Variants in NR1I2 observed in about 807,000 individuals in gnomAD.
NR1I2 encodes the protein orphan nuclear receptor PAR1.
NR1I2 carries 42 observed loss-of-function variants against 43.3 expected under a neutral mutation model. The observed-to-expected ratio is 0.97, with a 90% CI of 0.76 to 1.26. NR1I2 has a LOEUF of 1.26. Ranked by LOEUF, NR1I2 falls within the 50% of genes most tolerant of loss-of-function variation. The pLI is 0.00. For missense variants in NR1I2, 559 were observed against 566.7 expected, an observed-to-expected ratio of 0.99 and a Z score of 0.14; for synonymous variants, 229 against 215.0, an observed-to-expected ratio of 1.06 and a Z score of -0.57.
chr3:119,816,942 G>A, intron 8 of NR1I2, 126 bp from the exon 9 acceptor site: 3 of 1,282,036 alleles, frequency 2.3e-6, no homozygotes, highest in Non-Finnish European at 3.4e-6. Context: ...ACGGAATTCA[G>A]CCAAGCCTTG....
At position 119,814,601 on chromosome 3, in the gene NR1I2, G is replaced by T. The variant is rs542334930; in HGVS notation, c.795-378G>T. ...GGGGCTAGCAGGATATACTAAAGGG[G>T]AAGTCATTCCAAGGGGGAAACTGAG... On this transcript the variant is annotated intron_variant, in intron 5 of 8. Transcript: ENST00000393716. Among the ~76,000 whole-genome samples the T allele has an allele frequency of 3.3e-5, 5 of 152,190 alleles. No homozygotes were observed. The South Asian group carries it at 8.3e-4, about 25-fold the overall frequency.
chr3:119,810,832 G>A (rs572156185), intron 3 of NR1I2, among the ~76,000 whole-genome samples: 4 of 152,276 alleles, frequency 2.6e-5, no homozygotes, highest in African/African-American at 9.6e-5. Flanking sequence ...CTAGGCTGCT[G>A]GCAGGCATTC....
chr3:119,807,093 T>C, intron 1 of NR1I2, 136 bp from the exon 2 acceptor site: 1 of 753,680 alleles, frequency 1.3e-6, no homozygotes, highest in East Asian at 2.7e-5. Context: ...CCCCGCTTTT[T>C]TTCCCCATGA....
intron 1 of NR1I2, among the ~76,000 whole-genome samples, chr3:119,802,262 A>G (rs2055092428): frequency 6.6e-6 from 1 of 152,268 alleles, no homozygotes; most frequent in African/African-American, 2.4e-5. Flanking sequence ...AATGAAAGTT[A>G]TACAAATACT....
Position 119,782,306 on chromosome 3 carries a change from G to T in NR1I2, c.-23+6G>T, listed in dbSNP as rs1344073854. ...AAGAACTTACCACCAAGCAGGTATGGTTTTTCTTTCTTTCTCTTTTGCTGG... is the reference window on the plus strand; with the variant it reads ...AAGAACTTACCACCAAGCAGGTATGTTTTTTCTTTCTTTCTCTTTTGCTGG... On this transcript the variant is annotated splice_donor_region_variant and intron_variant, in intron 1 of 8. Coordinates refer to ENST00000393716, the MANE Select transcript of NR1I2 (RefSeq NM_003889.4). The T allele has an allele frequency of 5.8e-6, 1 of 172,700 alleles. No individual in the cohort carries two copies. The highest frequency in any genetic ancestry group is 2.4e-5 in the African/African-American group (1 of 42,250). 10.7% of individuals were successfully genotyped at this position (172,700 alleles called of 1,614,324 possible).
chr3:119,787,977 A>G (rs1227067032), intron 1 of NR1I2, among the ~76,000 whole-genome samples: 3 of 152,070 alleles, frequency 2.0e-5, no homozygotes, highest in Non-Finnish European at 4.4e-5. Context: ...TTCTCTTCCC[A>G]TAATCTCAGT....
rs776259882 is a variant in NR1I2 at position 119,782,833 on chromosome 3, G to C, written c.-23+533G>C. 7 of 1,613,942 alleles carry C rather than the reference G, an allele frequency of 4.3e-6. No individual in the cohort carries two copies. The East Asian group carries it at 1.6e-4, about 36-fold the overall frequency. On this transcript the variant is annotated intron_variant, in intron 1 of 8. Transcript: ENST00000393716. ...TGCCATACCCCTGCACAGTGCTGCG[G>C]CTGAGTTGGCTTCAAACCAGTGAGT...
At chr3:119,798,655 GAAAA>G (rs914727691) in intron 1 of NR1I2, among the ~76,000 whole-genome samples, 1 of 127,494 alleles carries the variant, frequency 7.8e-6, no homozygotes, top group African/African-American at 2.8e-5. Context: ...AAAAAAAAAA[GAAAA>G]AGAAAGAAAG....
At position 119,817,398 on chromosome 3, in the gene NR1I2, C is replaced by T. The variant is rs1559792714; in HGVS notation, c.*186C>T. 5 of 1,471,442 alleles carry T rather than the reference C, an allele frequency of 3.4e-6. No individual in the cohort carries two copies. Among genetic ancestry groups the T allele is most frequent in the Non-Finnish European group, 4.5e-6 (5 of 1,111,826 alleles). 91.1% of individuals were successfully genotyped at this position (1,471,442 alleles called of 1,614,324 possible). A position where few individuals can be genotyped will look rare whatever the true frequency, so the allele number is the denominator to read the frequency against. Reference sequence around the variant, plus strand: ...CAGGAAGGACATGGGTGCCCCCCACCCCCAGTTCAGTCTGTAGGGAGTGAA... The same window carrying T: ...CAGGAAGGACATGGGTGCCCCCCACTCCCAGTTCAGTCTGTAGGGAGTGAA... On this transcript the variant is annotated 3_prime_UTR_variant, in exon 9 of 9. Transcript: ENST00000393716.
chr3:119,818,004 A>C lies in NR1I2; in HGVS notation c.*792A>C. The C allele has an allele frequency of 1.0e-6, 1 of 985,566 alleles. No homozygotes were observed. Among genetic ancestry groups the C allele is most frequent in the Non-Finnish European group, 1.2e-6 (1 of 830,034 alleles). The allele number at this position is 985,566 out of a possible 1,614,324, so 61.1% of individuals were successfully genotyped here. On this transcript the variant is annotated 3_prime_UTR_variant, in exon 9 of 9. Coordinates refer to ENST00000393716, the MANE Select transcript of NR1I2 (RefSeq NM_003889.4). ...CAAAAGGAGAAATGATAAGTGACAA[A>C]AGCAGCACAAGGAATTTCCCTGTGT...
Position 119,803,045 on chromosome 3 carries a change from C to A in NR1I2, c.-22-4184C>A. 9.1e-6 allele frequency: 4 copies of A among 440,126 alleles called. 1 individual carries two copies. The highest frequency in any genetic ancestry group is 6.5e-5 in the South Asian group (4 of 61,938). The allele number at this position is 440,126 out of a possible 1,614,324, so 27.3% of individuals were successfully genotyped here. On this transcript the variant is annotated intron_variant, in intron 1 of 8. Coordinates refer to ENST00000393716, the MANE Select transcript of NR1I2 (RefSeq NM_003889.4). ...GAGTTAGTGTCCTCATGAATGAGAC[C>A]CCAGAGGCCGGGTGTGGTGGCTCAT...
At chr3:119,805,530 C>T (rs765375292) in intron 1 of NR1I2, among the ~76,000 whole-genome samples, 15 of 151,976 alleles carry the variant, frequency 9.9e-5, no homozygotes, top group African/African-American at 1.9e-4. Flanking sequence ...TGGTGAAACC[C>T]CATCTCTACT....
At chr3:119,813,944 A>G (rs2055282081) in intron 5 of NR1I2, among the ~76,000 whole-genome samples, 1 of 152,156 alleles carries the variant, frequency 6.6e-6, no homozygotes. Flanking sequence ...TCTCAGATAG[A>G]AACTGAAGTT....
At chr3:119,810,223 C>G (rs779938937) in intron 3 of NR1I2, 29 bp downstream of exon 3, 1 of 1,567,540 alleles carries the variant, frequency 6.4e-7, no homozygotes, top group East Asian at 2.4e-5. Context: ...GGCGGGCCGG[C>G]GCCGGGGTGC....
chr3:119,812,619 G>C, intron 4 of NR1I2, 67 bp from the exon 5 acceptor site: 3 of 1,597,372 alleles, frequency 1.9e-6, no homozygotes, highest in Non-Finnish European at 2.6e-6. Context: ...GCTGGGGCCT[G>C]AGTTGGGACC....
At chr3:119,815,613 C>A in intron 7 of NR1I2, 113 bp from the exon 8 acceptor site, 2 of 1,087,386 alleles carry the variant, frequency 1.8e-6, no homozygotes, top group South Asian at 1.3e-5. Flanking sequence ...CTTCACTTCC[C>A]TGCCTGGGTG....
At chr3:119,782,460 G>GA (rs34673274) in intron 1 of NR1I2, among the ~76,000 whole-genome samples, 160 bp downstream of exon 1, 2 of 148,892 alleles carry the variant, frequency 1.3e-5, no homozygotes, top group Non-Finnish European at 3.0e-5. Flanking sequence ...TTCTAGGGTG[G>GA]AAAAAAAAAA....
chr3:119,786,292 G>T (rs779224058), intron 1 of NR1I2, among the ~76,000 whole-genome samples: 9 of 152,166 alleles, frequency 5.9e-5, no homozygotes, highest in Non-Finnish European at 1.2e-4. Context: ...GGCACAACCT[G>T]GGGAGGACAG....
rs569921297 is a variant in NR1I2, at chr3:119,812,570, T to C, written c.520-116T>C. The C allele has an allele frequency of 2.4e-5, 28 of 1,159,090 alleles. No individual in the cohort carries two copies. In the South Asian group the frequency reaches 3.1e-4, roughly 13 times the overall value. The allele number at this position is 1,159,090 out of a possible 1,614,324, so 71.8% of individuals were successfully genotyped here. Reference sequence around the variant, plus strand: ...ATGTGGGTGTGAATGCCTGCATTTGTGCATCCTCTCGAGCTGCAACTGTGG... The same window carrying C: ...ATGTGGGTGTGAATGCCTGCATTTGCGCATCCTCTCGAGCTGCAACTGTGG... On this transcript the variant is annotated intron_variant, in intron 4 of 8. Transcript: ENST00000393716.
Sources: gnomAD v4.1 joint callset for allele counts (sites outside exome capture counted in the v4.1 genomes callset) on GRCh38, gnomAD v4.1.1 for gene constraint, MANE v1.5 for transcripts, NCBI Gene and HGNC (gene_info 2026-07-23, HGNC 2026-07-21) for gene names.